Variants in RSPO2 observed in about 807,000 individuals in gnomAD.
RSPO2 encodes the protein R-spondin 2.
A neutral mutation model predicts 30.9 loss-of-function variants in RSPO2; 14 were observed. That is an observed-to-expected ratio of 0.45 (90% CI 0.30 to 0.71). RSPO2 has a LOEUF of 0.71. RSPO2 is among the 30% of genes least tolerant of loss of function. RSPO2 has a pLI of 0.08. For missense variants in RSPO2, 264 were observed against 301.9 expected (o/e 0.87, Z 0.93); for synonymous variants, 107 against 96.4 (o/e 1.11, Z -0.64).
At chr8:107,967,836 T>C (rs1027704933) in intron 3 of RSPO2, among the ~76,000 whole-genome samples, 4 of 152,166 alleles carry the variant, frequency 2.6e-5, no homozygotes, top group African/African-American at 9.7e-5. Flanking sequence ...GGTTAGCAGA[T>C]CTGAGGTTAG....
At chr8:108,064,272 A>G (rs1366109569) in intron 2 of RSPO2, among the ~76,000 whole-genome samples, 2 of 152,200 alleles carry the variant, frequency 1.3e-5, no homozygotes, top group South Asian at 2.1e-4. Flanking sequence ...AATTTTTGCA[A>G]TCTACTCCTC....
chr8:107,903,950 A>G (rs965179336), intron 5 of RSPO2, among the ~76,000 whole-genome samples: 3 of 152,122 alleles, frequency 2.0e-5, no homozygotes, highest in Non-Finnish European at 2.9e-5. Flanking sequence ...TAGCAAAAGT[A>G]GTAAAAGAAT....
At chr8:108,015,677 C>T (rs1810869111) in intron 2 of RSPO2, among the ~76,000 whole-genome samples, 1 of 151,930 alleles carries the variant, frequency 6.6e-6, no homozygotes, top group African/African-American at 2.4e-5. Flanking sequence ...TCCCCCTACC[C>T]TTAATGTCTC....
chr8:107,969,193 G>A (rs780362402), intron 3 of RSPO2, among the ~76,000 whole-genome samples: 12 of 152,050 alleles, frequency 7.9e-5, no homozygotes, highest in South Asian at 2.1e-4. Flanking sequence ...AAATCCTGAC[G>A]TAGGCTGTGA....
chr8:108,012,530 C>A (rs183378249), intron 2 of RSPO2, among the ~76,000 whole-genome samples: 2 of 152,302 alleles, frequency 1.3e-5, no homozygotes, highest in Admixed American at 1.3e-4. Context: ...AGATGAAAAT[C>A]CATTCAAATG....
At position 108,080,585 on chromosome 8, in the gene RSPO2, C is replaced by T. The variant is rs561941729; in HGVS notation, c.94+1960G>A. ...CATAGGCAGATTCTTAGAGATGGCA[C>T]TGCAGAGAAGGCATGCAGTATCCCT... On this transcript the variant is annotated intron_variant, in intron 2 of 5. Transcript: ENST00000276659. Among the ~76,000 whole-genome samples the T allele has an allele frequency of 2.4e-4, 36 of 152,276 alleles. 1 individual carries two copies. Among genetic ancestry groups the T allele is most frequent in the African/African-American group, 8.2e-4 (34 of 41,546 alleles).
chr8:107,923,074 A>T (rs1404873609), intron 5 of RSPO2, among the ~76,000 whole-genome samples: 1 of 152,222 alleles, frequency 6.6e-6, no homozygotes, highest in African/African-American at 2.4e-5. Context: ...AAAAATTGAC[A>T]AATGGGATCT....
At chr8:108,010,162 G>T (rs1044798876) in intron 2 of RSPO2, among the ~76,000 whole-genome samples, 1 of 152,128 alleles carries the variant, frequency 6.6e-6, no homozygotes, top group Non-Finnish European at 1.5e-5. Context: ...AGCATAAAGG[G>T]CTAAGTAATC....
chr8:108,011,857 C>A (rs992651362), intron 2 of RSPO2, among the ~76,000 whole-genome samples: 1 of 152,188 alleles, frequency 6.6e-6, no homozygotes, highest in Non-Finnish European at 1.5e-5. Context: ...ATTACAATTT[C>A]CTCCAAGTAG....
intron 3 of RSPO2, among the ~76,000 whole-genome samples, chr8:107,985,308 T>C (rs540989821): frequency 1.3e-5 from 2 of 152,280 alleles, no homozygotes; most frequent in African/African-American, 4.8e-5. Flanking sequence ...AAATAAACCA[T>C]GCAAGTGTGT....
At chr8:108,078,063 G>T (rs1456074797) in intron 2 of RSPO2, among the ~76,000 whole-genome samples, 1 of 152,138 alleles carries the variant, frequency 6.6e-6, no homozygotes, top group Non-Finnish European at 1.5e-5. Flanking sequence ...CTAAATAAGA[G>T]GTGGTTTTGC....
Position 108,059,266 on chromosome 8 carries a change from G to A in RSPO2, c.94+23279C>T, listed in dbSNP as rs530034131. Among the ~76,000 whole-genome samples the A allele has an allele frequency of 1.5e-4, 23 of 151,890 alleles. 1 individual carries two copies. The South Asian group carries it at 4.2e-3, about 27-fold the overall frequency. ...CATGAAAAAAATGCTCACCATCACT[G>A]GCCATCAGAGAAATGCAAATCAAAA... is the stretch of plus-strand genomic sequence containing the variant. On this transcript the variant is annotated intron_variant, in intron 2 of 5. Coordinates refer to ENST00000276659, the MANE Select transcript of RSPO2 (RefSeq NM_178565.5).
intron 3 of RSPO2, among the ~76,000 whole-genome samples, chr8:107,986,809 C>T (rs1176713089): frequency 1.3e-5 from 2 of 152,144 alleles, no homozygotes; most frequent in Non-Finnish European, 2.9e-5. Flanking sequence ...AAACTGTGGA[C>T]TCAAACCACC....
At chr8:107,931,875 AC>A (rs1381794267) in intron 5 of RSPO2, among the ~76,000 whole-genome samples, 1 of 152,024 alleles carries the variant, frequency 6.6e-6, no homozygotes, top group Non-Finnish European at 1.5e-5. Flanking sequence ...ACAAAAGACA[AC>A]CCCATATTAT....
At chr8:107,962,657 A>T (rs980474499) in intron 3 of RSPO2, among the ~76,000 whole-genome samples, 2 of 152,166 alleles carry the variant, frequency 1.3e-5, no homozygotes, top group African/African-American at 4.8e-5. Context: ...CTACATGACC[A>T]TTATGTCCAC....
chr8:108,019,702 C>T (rs1483786851), intron 2 of RSPO2, among the ~76,000 whole-genome samples: 2 of 152,146 alleles, frequency 1.3e-5, no homozygotes, highest in African/African-American at 2.4e-5. Context: ...GTGACAAGAA[C>T]ACTAGTCAGT....
In RSPO2 at chr8:107,944,037, A is replaced by G. The variant is rs187663896; in HGVS notation, c.616+14043T>C. ...TTAGAGTTTTCAAGAAAGAGGTATAAGCACTCAGTATTTTGCAAAATAGAC... is the reference window on the plus strand; with the variant it reads ...TTAGAGTTTTCAAGAAAGAGGTATAGGCACTCAGTATTTTGCAAAATAGAC... On this transcript the variant is annotated intron_variant, in intron 5 of 5. Coordinates refer to ENST00000276659, the MANE Select transcript of RSPO2 (RefSeq NM_178565.5). Among the ~76,000 whole-genome samples, 31 of 152,340 alleles carry G rather than the reference A, an allele frequency of 2.0e-4. No individual in the cohort carries two copies. The East Asian group carries it at 6.0e-3, about 29-fold the overall frequency.
At position 107,899,629 on chromosome 8, in the gene RSPO2, A is replaced by C. The variant is rs1186085688; in HGVS notation, c.*1446T>G. ...GAGGTAGTTTTGCCAATGCAAGGTG[A>C]AAAAAAAAAGGCTTTACCTTGCTTT... On this transcript the variant is annotated 3_prime_UTR_variant, in exon 6 of 6. Transcript: ENST00000276659. 2 of 149,160 alleles carry C rather than the reference A, an allele frequency of 1.3e-5. No homozygotes were observed. Among genetic ancestry groups the C allele is most frequent in the African/African-American group, 4.9e-5 (2 of 40,566 alleles). 9.2% of individuals were successfully genotyped at this position (149,160 alleles called of 1,614,324 possible). A position where few individuals can be genotyped will look rare whatever the true frequency, so the allele number is the denominator to read the frequency against.
intron 2 of RSPO2, among the ~76,000 whole-genome samples, chr8:108,016,037 ATTAGGAG>A (rs1387294665): frequency 1.3e-5 from 2 of 152,180 alleles, no homozygotes; most frequent in Non-Finnish European, 2.9e-5. Flanking sequence ...TGGGGAGGAA[ATTAGGAG>A]TCAGATGTAA....
Sources: allele counts gnomAD v4.1 joint callset (sites outside exome capture counted in the v4.1 genomes callset), GRCh38; gene constraint gnomAD v4.1.1; transcripts MANE v1.5; gene names NCBI Gene and HGNC (gene_info 2026-07-23, HGNC 2026-07-21).